NDST4: variants seen among roughly 807,000 people sequenced by gnomAD.
NDST4 encodes the protein N-heparan sulfate sulfotransferase 4.
NDST4 carries 63 observed loss-of-function variants against 100.8 expected under a neutral mutation model. That is an observed-to-expected ratio of 0.62 (90% CI 0.51 to 0.77). The LOEUF is 0.77. Among genes scored for constraint, NDST4 ranks in the 30% least tolerant of loss-of-function variants. The pLI, the probability that NDST4 is intolerant of heterozygous loss-of-function variation, is 0.00. For missense variants in NDST4, 943 were observed against 1,018.4 expected (o/e 0.93, Z 1.01); for synonymous variants, 377 against 361.8 (o/e 1.04, Z -0.48).
chr4:115,058,117 C>A (rs1204544427), intron 2 of NDST4, among the ~76,000 whole-genome samples: 1 of 152,192 alleles, frequency 6.6e-6, no homozygotes, highest in African/African-American at 2.4e-5. Flanking sequence ...ATTTATATTT[C>A]TTTAAAATGA....
Position 115,076,064 on chromosome 4 carries a change from C to T in NDST4, c.973G>A (p.Val325Met), listed in dbSNP as rs1274985468. ...TTGTCTATAAATAAGCTTACCTTCA[C>T]ATCTTTGACATTCATCCTTGTTCCC... ...KEGTRMNVKDVKALLETQNLL... is the reference protein window; with the variant it reads ...KEGTRMNVKDMKALLETQNLL... The change falls in exon 2 of 14, where the codon GTG (valine) becomes ATG (methionine). Residue 325 changes from valine to methionine, a missense_variant. Physicochemically the swap from Val to Met is conservative, Grantham distance 21 (BLOSUM62 1). Transcript: ENST00000264363. 2 of 1,603,412 alleles carry T rather than the reference C, an allele frequency of 1.2e-6. No individual in the cohort carries two copies. The highest frequency in any genetic ancestry group is 2.7e-5 in the African/African-American group (2 of 74,558).
chr4:114,834,358 A>G lies in NDST4; in HGVS notation c.2287-643T>C, dbSNP rs537021410. ...GTGAAACCCTGTCTCTACTAAAAAT[A>G]CAAAAATTAGCCAGTCATGGTGGCA... On this transcript the variant is annotated intron_variant, in intron 11 of 13. Coordinates refer to ENST00000264363, the MANE Select transcript of NDST4 (RefSeq NM_022569.3). Among the ~76,000 whole-genome samples, 100 of 152,174 alleles carry G rather than the reference A, an allele frequency of 6.6e-4. 2 individuals are homozygous for G. The highest frequency in any genetic ancestry group is 2.2e-3 in the African/African-American group (93 of 41,544).
At chr4:114,968,018 G>A (rs998210417) in intron 4 of NDST4, among the ~76,000 whole-genome samples, 1 of 152,120 alleles carries the variant, frequency 6.6e-6, no homozygotes, top group African/African-American at 2.4e-5. Flanking sequence ...TCAAGGTCAA[G>A]CAACCATCAA....
chr4:115,098,928 G>T (rs1367669830), intron 1 of NDST4, among the ~76,000 whole-genome samples: 5 of 152,152 alleles, frequency 3.3e-5, no homozygotes, highest in Non-Finnish European at 7.3e-5. Flanking sequence ...GGCTGGTCTT[G>T]AATTCCTGGG....
In NDST4 at chr4:114,997,195, A is replaced by G. The variant is rs115088598; in HGVS notation, c.979-19921T>C. The stretch of plus-strand genomic sequence containing the variant: ...TATTTTTCACTTCCACCAAAGCCCT[A>G]TTGCAAAACTAGTATTCCCACTAAC... On this transcript the variant is annotated intron_variant, in intron 2 of 13. Coordinates refer to ENST00000264363, the MANE Select transcript of NDST4 (RefSeq NM_022569.3). 1.8e-3 allele frequency among the ~76,000 whole-genome samples: 275 copies of G among 152,214 alleles called. 1 individual carries two copies. The highest frequency in any genetic ancestry group is 6.4e-3 in the African/African-American group (267 of 41,554).
At chr4:114,853,473 CT>C (rs1334047005) in intron 7 of NDST4, among the ~76,000 whole-genome samples, 46 of 152,312 alleles carry the variant, frequency 3.0e-4, no homozygotes, top group African/African-American at 1.1e-3. Flanking sequence ...CTAACCTACA[CT>C]TCCAGTGCCA....
chr4:114,872,852 A>G (rs975201331), intron 6 of NDST4, among the ~76,000 whole-genome samples: 1 of 151,994 alleles, frequency 6.6e-6, no homozygotes, highest in Admixed American at 6.6e-5. Context: ...CCCAATTCTG[A>G]CATATAATAT....
intron 6 of NDST4, among the ~76,000 whole-genome samples, chr4:114,912,843 T>C (rs1301817379): frequency 3.3e-5 from 5 of 152,088 alleles, no homozygotes; most frequent in African/African-American, 9.7e-5. Flanking sequence ...TTTTTACTTT[T>C]TATATATATA....
chr4:114,861,738 C>T (rs961057784), intron 7 of NDST4, among the ~76,000 whole-genome samples: 4 of 151,954 alleles, frequency 2.6e-5, no homozygotes, highest in Admixed American at 6.6e-5. Flanking sequence ...ATTATATAAT[C>T]CTAATTTAAC....
chr4:114,853,181 C>T (rs1158871767), intron 7 of NDST4, among the ~76,000 whole-genome samples: 2 of 152,130 alleles, frequency 1.3e-5, no homozygotes, highest in Admixed American at 6.5e-5. Flanking sequence ...TCTCCCTAAT[C>T]ATTCCTATTT....
intron 2 of NDST4, among the ~76,000 whole-genome samples, chr4:115,017,338 A>G (rs1481443344): frequency 2.0e-5 from 3 of 152,096 alleles, no homozygotes. Flanking sequence ...TACATTTCAT[A>G]GAAATTTTTA....
chr4:115,044,422 G>C (rs1728421543), intron 2 of NDST4, among the ~76,000 whole-genome samples: 1 of 152,042 alleles, frequency 6.6e-6, no homozygotes, highest in African/African-American at 2.4e-5. Flanking sequence ...CCTGCCATTA[G>C]GGCACAAGCC....
At chr4:114,842,050 T>C (rs140388753) in intron 10 of NDST4, among the ~76,000 whole-genome samples, 260 of 152,338 alleles carry the variant, frequency 1.7e-3, no homozygotes, top group African/African-American at 6.1e-3. Context: ...TTAATTTGTA[T>C]ATGCACTAAA....
intron 2 of NDST4, among the ~76,000 whole-genome samples, chr4:114,999,099 G>T (rs1255416884): frequency 6.6e-6 from 1 of 152,092 alleles, no homozygotes; most frequent in South Asian, 2.1e-4. Flanking sequence ...ATGCATATTT[G>T]TTAATGAATG....
intron 2 of NDST4, among the ~76,000 whole-genome samples, chr4:115,041,910 C>T (rs1428065045): frequency 6.6e-6 from 1 of 151,966 alleles, no homozygotes; most frequent in Non-Finnish European, 1.5e-5. Flanking sequence ...TGTGGAAGGG[C>T]TTATTTGATC....
intron 2 of NDST4, among the ~76,000 whole-genome samples, chr4:115,000,636 A>G (rs1578443009): frequency 6.6e-6 from 1 of 152,138 alleles, no homozygotes; most frequent in Admixed American, 6.6e-5. Context: ...TTGATATGAC[A>G]CTAATTACTA....
chr4:115,108,949 A>G (rs1157211797), intron 1 of NDST4, among the ~76,000 whole-genome samples: 2 of 151,688 alleles, frequency 1.3e-5, no homozygotes, highest in African/African-American at 4.8e-5. Flanking sequence ...GAAATAAAGG[A>G]AGGAGGGAAA....
chr4:115,018,938 G>C (rs1474963726), intron 2 of NDST4, among the ~76,000 whole-genome samples: 1 of 151,910 alleles, frequency 6.6e-6, no homozygotes, highest in Non-Finnish European at 1.5e-5. Flanking sequence ...TGGTGAGAAT[G>C]CAAATGCTAA....
intron 6 of NDST4, among the ~76,000 whole-genome samples, chr4:114,901,246 T>TTTCAATTTGAAATTTCAATTGAAATTC (rs1234994895): frequency 6.6e-6 from 1 of 152,076 alleles, no homozygotes; most frequent in Admixed American, 6.6e-5. Flanking sequence ...AGTTGGGTGT[T>TTTCAATTTGAAATTTCAATTGAAATTC]AAATTTTCAA....
Sources: allele counts gnomAD v4.1 joint callset (sites outside exome capture counted in the v4.1 genomes callset), GRCh38; gene constraint gnomAD v4.1.1; transcripts MANE v1.5; gene names NCBI Gene and HGNC (gene_info 2026-07-23, HGNC 2026-07-21).